The following PTPN3 variants were observed in gnomAD, a reference collection of about 807,000 sequenced individuals.
PTPN3 encodes the protein protein tyrosine phosphatase non-receptor type 3.
PTPN3 carries 96 observed loss-of-function variants against 132.7 expected under a neutral mutation model. The ratio of observed to expected loss-of-function variants is 0.72; its 90% CI spans 0.61 to 0.86. The LOEUF (loss-of-function observed/expected upper bound fraction) is 0.86, where lower values mean the gene tolerates loss of function less well. PTPN3 is among the 40% of genes least tolerant of loss of function. The probability of loss-of-function intolerance (pLI) is 0.00; values close to 1 mark genes in which losing one functional copy is unlikely to be tolerated. For missense variants in PTPN3, 1,125 were observed against 1,159.6 expected (o/e 0.97, Z 0.43); for synonymous variants, 398 against 429.0 (o/e 0.93, Z 0.89).
At chr9:109,497,110 G>GAGA (rs1381144369) in intron 1 of PTPN3, among the ~76,000 whole-genome samples, 10 of 152,064 alleles carry the variant, frequency 6.6e-5, no homozygotes, top group Non-Finnish European at 1.5e-4. Context: ...ATTACAATTC[G>GAGA]GCTAAATTGT....
intron 9 of PTPN3, among the ~76,000 whole-genome samples, chr9:109,436,663 C>A (rs1844074980): frequency 6.6e-6 from 1 of 152,004 alleles, no homozygotes; most frequent in South Asian, 2.1e-4. Context: ...CCTAACCCTT[C>A]AAAAGGGAAA....
intron 2 of PTPN3, among the ~76,000 whole-genome samples, chr9:109,460,315 C>A (rs1733868443): frequency 6.6e-6 from 1 of 152,134 alleles, no homozygotes; most frequent in African/African-American, 2.4e-5. Context: ...TAGCCAGCCC[C>A]ACACAGCCAC....
rs913155032 is a variant in PTPN3 at position 109,485,514 on chromosome 9, A to AT, written c.-18+12704_-18+12705insA. 1.4e-4 allele frequency among the ~76,000 whole-genome samples: 21 copies of AT among 152,238 alleles called. No individual in the cohort carries two copies. In the East Asian group the frequency reaches 1.7e-3, roughly 13 times the overall value. On this transcript the variant is annotated intron_variant, in intron 1 of 25. Transcript: ENST00000374541. ...CAGAGAGAGACTACGTCTCAAGAAAAAAATAAATAAATAAATAAAAATAAA... is the reference window on the plus strand; with the variant it reads ...CAGAGAGAGACTACGTCTCAAGAAAATAAATAAATAAATAAATAAAAATAAA...
rs1838839629 is a variant in PTPN3 at position 109,379,480 on chromosome 9, G to A, written c.*76C>T. On this transcript the variant is annotated 3_prime_UTR_variant, in exon 26 of 26. Transcript: ENST00000374541. ...CCCACAGCTACTGGTTCCTCTTGCT[G>A]CTTCCAGAGAGGTCTGTCCTCCTCT... 7.3e-7 allele frequency: 1 copy of A among 1,374,638 alleles called. No individual in the cohort carries two copies. The highest frequency in any genetic ancestry group is 1.4e-5 in the African/African-American group (1 of 69,750). 85.2% of individuals were successfully genotyped at this position (1,374,638 alleles called of 1,614,324 possible).
rs1277077665 is a variant in PTPN3 at position 109,387,698 on chromosome 9, A to G, written c.2253+1535T>C. 2.6e-5 allele frequency among the ~76,000 whole-genome samples: 4 copies of G among 152,160 alleles called. No individual in the cohort carries two copies. The East Asian group carries it at 7.7e-4, about 29-fold the overall frequency. On this transcript the variant is annotated intron_variant, in intron 22 of 25. Coordinates refer to ENST00000374541, the MANE Select transcript of PTPN3 (RefSeq NM_002829.4). ...GTGGAAAGCGGTGGTGCCAGAACTC[A>G]AACGCCTCCTCTGACCCCAAAGCCC...
At chr9:109,438,286 T>G in intron 7 of PTPN3, 52 bp from the exon 8 acceptor site, 1 of 1,560,798 alleles carries the variant, frequency 6.4e-7, no homozygotes, top group Non-Finnish European at 8.7e-7. Context: ...CTTTTTAATA[T>G]GGTTTGCATT....
At chr9:109,434,986 C>T (rs1467618295) in intron 9 of PTPN3, among the ~76,000 whole-genome samples, 4 of 152,112 alleles carry the variant, frequency 2.6e-5, no homozygotes, top group African/African-American at 4.8e-5. Flanking sequence ...TATCAGTACC[C>T]AACAGAAATC....
chr9:109,529,852 G>A, the PTPN3 span, among the ~76,000 whole-genome samples: 8 of 152,058 alleles, frequency 5.3e-5, no homozygotes, highest in African/African-American at 7.3e-5. Flanking sequence ...AATGGAATGC[G>A]TTGGGGGTGG....
At chr9:109,515,430 A>C in the PTPN3 span, among the ~76,000 whole-genome samples, 1 of 152,156 alleles carries the variant, frequency 6.6e-6, no homozygotes, top group African/African-American at 2.4e-5. Flanking sequence ...GGGGTCTTAT[A>C]CTTCTCCATA....
chr9:109,416,559 T>C (rs1192265720), intron 14 of PTPN3, among the ~76,000 whole-genome samples: 4 of 151,330 alleles, frequency 2.6e-5, no homozygotes, highest in South Asian at 2.1e-4. Context: ...GATTCTCTCA[T>C]CTCAACCTCC....
intron 22 of PTPN3, among the ~76,000 whole-genome samples, chr9:109,385,962 A>G (rs1329955349): frequency 6.6e-6 from 1 of 152,244 alleles, no homozygotes; most frequent in Admixed American, 6.5e-5. Context: ...TCTGGACCAG[A>G]GGAAACAAGC....
At chr9:109,461,290 C>T (rs1280236577) in intron 2 of PTPN3, among the ~76,000 whole-genome samples, 3 of 152,146 alleles carry the variant, frequency 2.0e-5, no homozygotes, top group Non-Finnish European at 2.9e-5. Flanking sequence ...TTCTCAGGCC[C>T]CACCCCACAG....
At chr9:109,417,435 G>C (rs1156557505) in intron 14 of PTPN3, among the ~76,000 whole-genome samples, 1 of 152,126 alleles carries the variant, frequency 6.6e-6, no homozygotes, top group Non-Finnish European at 1.5e-5. Context: ...TTCTCTGACA[G>C]AATGCTTCTT....
chr9:109,512,856 C>T, the PTPN3 span, among the ~76,000 whole-genome samples: 10 of 152,174 alleles, frequency 6.6e-5, no homozygotes, highest in African/African-American at 2.2e-4. Flanking sequence ...GTGCTCTGAA[C>T]CCTGCATTAC....
intron 15 of PTPN3, 51 bp downstream of exon 15, chr9:109,410,178 G>A: frequency 6.2e-7 from 1 of 1,610,980 alleles, no homozygotes; most frequent in Admixed American, 1.7e-5. Flanking sequence ...GCCCACAAGA[G>A]GCCGGGAAGC....
intron 5 of PTPN3, 22 bp from the exon 6 acceptor site, chr9:109,448,877 T>C (rs771401252): frequency 1.3e-6 from 2 of 1,558,864 alleles, no homozygotes; most frequent in Non-Finnish European, 1.7e-6. Context: ...TTGTTTTCAT[T>C]AATTCATACT....
chr9:109,403,763 T>C (rs941786849), intron 19 of PTPN3, among the ~76,000 whole-genome samples: 1 of 152,232 alleles, frequency 6.6e-6, no homozygotes, highest in African/African-American at 2.4e-5. Context: ...ATTCTGTTAG[T>C]GATCAGTAAA....
At position 109,433,916 on chromosome 9, in the gene PTPN3, TA is replaced by T. The variant is rs1170933792; in HGVS notation, c.676-756del. ...CTAGGCAGCAGAGGGAGACTCTGTT[TA>T]AAAAAAAAAAAAAAAAAAAAAAAAA... On this transcript the variant is annotated intron_variant, in intron 9 of 25. Coordinates refer to ENST00000374541, the MANE Select transcript of PTPN3 (RefSeq NM_002829.4). Among the ~76,000 whole-genome samples, 191 of 98,288 alleles carry T rather than the reference TA, an allele frequency of 1.9e-3. 1 individual carries two copies. The highest frequency in any genetic ancestry group is 4.8e-3 in the South Asian group (14 of 2,934). 64.5% of individuals were successfully genotyped at this position (98,288 alleles called of 152,430 possible).
At chr9:109,393,506 C>T (rs1489619583) in intron 19 of PTPN3, among the ~76,000 whole-genome samples, 2 of 151,366 alleles carry the variant, frequency 1.3e-5, no homozygotes, top group African/African-American at 4.9e-5. Flanking sequence ...CCTGCCTCAG[C>T]CTCCTGAGTA....
Sources: gnomAD v4.1 joint callset for allele counts (sites outside exome capture counted in the v4.1 genomes callset) on GRCh38, gnomAD v4.1.1 for gene constraint, MANE v1.5 for transcripts, NCBI Gene and HGNC (gene_info 2026-07-23, HGNC 2026-07-21) for gene names.